The following STPG2 variants were observed in gnomAD, a reference collection of about 807,000 sequenced individuals.
STPG2 encodes sperm-tail PG-rich repeat-containing protein 2.
STPG2 carries 56 observed loss-of-function variants against 54.2 expected under a neutral mutation model. The ratio of observed to expected loss-of-function variants is 1.03; its 90% CI spans 0.83 to 1.29. STPG2 has a LOEUF of 1.29. STPG2 is among the 50% of genes most tolerant of loss of function. STPG2 has a pLI of 0.00. For synonymous variants in STPG2, 200 were observed against 181.8 expected (o/e 1.10, Z -0.81); for missense variants, 596 against 544.9 (o/e 1.09, Z -0.93).
intron 8 of STPG2, among the ~76,000 whole-genome samples, chr4:97,883,838 A>G (rs1296330189): frequency 3.9e-5 from 6 of 152,216 alleles, no homozygotes; most frequent in Admixed American, 3.9e-4. Flanking sequence ...GTCATATTTC[A>G]GAAGAAATAG....
intron 9 of STPG2, among the ~76,000 whole-genome samples, chr4:97,767,039 C>G (rs1431917023): frequency 1.3e-5 from 2 of 151,604 alleles, no homozygotes; most frequent in Non-Finnish European, 2.9e-5. Context: ...TCAAAATATT[C>G]AACATAAGCA....
chr4:98,052,647 A>C (rs1451141963), intron 5 of STPG2, among the ~76,000 whole-genome samples: 1 of 152,218 alleles, frequency 6.6e-6, no homozygotes, highest in Non-Finnish European at 1.5e-5. Flanking sequence ...TAAAAGGCTA[A>C]AAATATATAC....
chr4:97,501,620 A>G (rs964597257), intron 4 of STPG2, among the ~76,000 whole-genome samples: 2 of 151,826 alleles, frequency 1.3e-5, no homozygotes, highest in Non-Finnish European at 2.9e-5. Context: ...GCTTGAGCCC[A>G]GGAGGTCAAG....
intron 10 of STPG2, among the ~76,000 whole-genome samples, chr4:97,693,189 T>C (rs1231146687): frequency 6.7e-6 from 1 of 149,652 alleles, no homozygotes; most frequent in Non-Finnish European, 1.5e-5. Flanking sequence ...ATGAATAGAA[T>C]AGTACCTCAC....
intron 5 of STPG2, among the ~76,000 whole-genome samples, chr4:98,004,939 C>G (rs2149278124): frequency 6.7e-6 from 1 of 150,310 alleles, no homozygotes; most frequent in East Asian, 1.9e-4. Context: ...GTAGGTTGTC[C>G]CTTCACTCTG....
At chr4:97,634,218 T>C (rs187314169) in intron 10 of STPG2, among the ~76,000 whole-genome samples, 55 of 152,056 alleles carry the variant, frequency 3.6e-4, no homozygotes, top group Admixed American at 5.9e-4. Flanking sequence ...GGAGGCACCC[T>C]CCAGCAGGGG....
chr4:97,883,559 A>G (rs1189624642), intron 8 of STPG2, among the ~76,000 whole-genome samples: 2 of 152,154 alleles, frequency 1.3e-5, no homozygotes, highest in African/African-American at 2.4e-5. Context: ...TAGCAGCAAC[A>G]TGAAATTATA....
intron 4 of STPG2, among the ~76,000 whole-genome samples, chr4:97,467,821 T>C (rs1339699133): frequency 4.6e-5 from 7 of 151,392 alleles, no homozygotes; most frequent in Non-Finnish European, 8.9e-5. Context: ...AATATGGCTG[T>C]TAGTTATTAA....
At chr4:97,906,368 T>G (rs1157105180) in intron 8 of STPG2, among the ~76,000 whole-genome samples, 1 of 152,282 alleles carries the variant, frequency 6.6e-6, no homozygotes, top group East Asian at 1.9e-4. Flanking sequence ...ATTGTGGCAA[T>G]AGTCAATAGC....
chr4:97,804,258 G>A (rs765073399), intron 9 of STPG2, among the ~76,000 whole-genome samples: 8 of 152,066 alleles, frequency 5.3e-5, no homozygotes, highest in Non-Finnish European at 1.0e-4. Flanking sequence ...ACACAATCGT[G>A]AGCTGCAAAA....
chr4:97,854,477 T>C (rs1210032737), intron 8 of STPG2, among the ~76,000 whole-genome samples: 1 of 148,292 alleles, frequency 6.7e-6, no homozygotes, highest in African/African-American at 2.4e-5. Flanking sequence ...ATGTATCATA[T>C]ATAATATATA....
At chr4:97,947,354 C>A (rs1248853437) in intron 7 of STPG2, among the ~76,000 whole-genome samples, 2 of 152,042 alleles carry the variant, frequency 1.3e-5, no homozygotes, top group Admixed American at 1.3e-4. Flanking sequence ...TGGTGAACAG[C>A]AATAGTTTTA....
At chr4:97,889,560 G>C (rs1044567826) in intron 8 of STPG2, among the ~76,000 whole-genome samples, 2 of 152,074 alleles carry the variant, frequency 1.3e-5, no homozygotes, top group African/African-American at 4.8e-5. Context: ...AAATAAGCCA[G>C]GCAGAGAAAT....
At chr4:97,651,403 A>G (rs937768483) in intron 10 of STPG2, among the ~76,000 whole-genome samples, 3 of 152,182 alleles carry the variant, frequency 2.0e-5, no homozygotes, top group Non-Finnish European at 2.9e-5. Context: ...AGTGTAAAAT[A>G]GCTCCAAACT....
chr4:97,653,120 T>C (rs1054144567), intron 10 of STPG2, among the ~76,000 whole-genome samples: 3 of 151,766 alleles, frequency 2.0e-5, no homozygotes, highest in African/African-American at 7.3e-5. Flanking sequence ...GATAGGTAGA[T>C]AGATAGATAG....
downstream of STPG2, among the ~76,000 whole-genome samples, chr4:97,557,143 T>G (rs1388135301): frequency 1.3e-5 from 2 of 152,070 alleles, no homozygotes. Flanking sequence ...ATCATGCCAT[T>G]GCACTCCAGC....
chr4:97,740,298 T>C (rs1385859999), intron 9 of STPG2, among the ~76,000 whole-genome samples: 2 of 152,146 alleles, frequency 1.3e-5, no homozygotes, highest in African/African-American at 4.8e-5. Context: ...CTTTGAAAAC[T>C]GGCACAAGAC....
At chr4:97,988,785 T>G (rs553830640) in intron 5 of STPG2, among the ~76,000 whole-genome samples, 1 of 152,266 alleles carries the variant, frequency 6.6e-6, no homozygotes, top group South Asian at 2.1e-4. Context: ...TTTGTATTTT[T>G]GGTAGAGATG....
intron 4 of STPG2, among the ~76,000 whole-genome samples, chr4:97,515,257 A>C (rs1731052520): frequency 6.6e-6 from 1 of 152,090 alleles, no homozygotes; most frequent in South Asian, 2.1e-4. Context: ...TATTACAAGT[A>C]AGTCATTTTT....
Sources: allele counts gnomAD v4.1 joint callset (sites outside exome capture counted in the v4.1 genomes callset), GRCh38; gene constraint gnomAD v4.1.1; transcripts MANE v1.5; gene names NCBI Gene and HGNC (gene_info 2026-07-23, HGNC 2026-07-21).